Variants in CEP192 observed in about 807,000 individuals in gnomAD.
CEP192 encodes the protein centrosomal protein 192.
In CEP192, 151 loss-of-function variants were observed where a neutral mutation model predicts 271.8. That is an observed-to-expected ratio of 0.56 (90% confidence interval 0.49 to 0.64). The LOEUF (loss-of-function observed/expected upper bound fraction) is 0.64. CEP192 is among the 30% of genes least tolerant of loss of function. CEP192 has a pLI of 0.00. For synonymous variants in CEP192, 995 were observed against 1,076.5 expected, an observed-to-expected ratio of 0.92 and a Z score of 1.48; for missense variants, 2,910 against 3,020.5, an observed-to-expected ratio of 0.96 and a Z score of 0.86.
chr18:13,072,822 G>A lies in CEP192; in HGVS notation c.5416G>A (p.Gly1806Arg). The stretch of plus-strand genomic sequence containing the variant: ...TCAACATTTACGACTGCTTATTAGA[G>A]GACAAGATCAGGACTGCTTTCAGGT... ...TTQHLRLLIR[G>R]QDQDCFQLQN... Residue 1806 changes from glycine to arginine, a missense_variant, in exon 29 of 45, where the codon GGA becomes AGA. Transcript: ENST00000506447. The A allele has an allele frequency of 1.2e-6, 2 of 1,612,402 alleles. No homozygotes were observed. The highest frequency in any genetic ancestry group is 1.7e-6 in the Non-Finnish European group (2 of 1,178,406).
chr18:13,027,827 G>A (rs2035390825), intron 9 of CEP192, among the ~76,000 whole-genome samples: 1 of 149,752 alleles, frequency 6.7e-6, no homozygotes, highest in Non-Finnish European at 1.5e-5. Flanking sequence ...CAGTTATCTT[G>A]TTTTATTTGA....
intron 17 of CEP192, among the ~76,000 whole-genome samples, chr18:13,051,435 C>A (rs563231261): frequency 3.3e-5 from 5 of 152,008 alleles, no homozygotes; most frequent in Non-Finnish European, 7.4e-5. Context: ...TCATGTCATG[C>A]GGGAGCTAAA....
intron 3 of CEP192, among the ~76,000 whole-genome samples, chr18:13,004,299 C>CT (rs59209178): frequency 0.25 from 36,948 of 147,486 alleles, 5,304 homozygotes; most frequent in East Asian, 0.44. Context: ...AGAAGTTTCA[C>CT]TTTTTTTTTT....
intron 38 of CEP192, among the ~76,000 whole-genome samples, chr18:13,102,149 G>C (rs951623251): frequency 6.6e-6 from 1 of 151,966 alleles, no homozygotes; most frequent in African/African-American, 2.4e-5. Context: ...CCACAGCTGG[G>C]GGCCCTTCTT....
chr18:13,021,693 G>A (rs1023964261), intron 9 of CEP192, among the ~76,000 whole-genome samples: 1 of 152,130 alleles, frequency 6.6e-6, no homozygotes, highest in Non-Finnish European at 1.5e-5. Flanking sequence ...AGGTCACTTT[G>A]GGTAGTATTG....
intron 44 of CEP192, among the ~76,000 whole-genome samples, chr18:13,123,716 A>G (rs1285323085): frequency 6.6e-6 from 1 of 152,194 alleles, no homozygotes; most frequent in African/African-American, 2.4e-5. Flanking sequence ...AACTTGTTAA[A>G]TTGCATATTT....
At chr18:13,075,660 T>G (rs571613934) in intron 30 of CEP192, among the ~76,000 whole-genome samples, 1 of 152,294 alleles carries the variant, frequency 6.6e-6, no homozygotes, top group East Asian at 1.9e-4. Flanking sequence ...TTTCTGTTCT[T>G]TATGAATTAC....
rs1247097024 is a variant in CEP192, at chr18:13,049,902, A to T, written c.3017+11A>T. 6.3e-7 allele frequency: 1 copy of T among 1,599,020 alleles called. No homozygotes were observed. Among genetic ancestry groups the T allele is most frequent in the South Asian group, 1.1e-5 (1 of 88,114 alleles). ...AACGAGTTCATCAGGGTAAGTGTGTACCTTCTTTTTTAAAAAATAAAAATA... is the reference window on the plus strand; with the variant it reads ...AACGAGTTCATCAGGGTAAGTGTGTTCCTTCTTTTTTAAAAAATAAAAATA... On this transcript the variant is annotated intron_variant, in intron 17 of 44. Transcript: ENST00000506447.
At position 13,121,528 on chromosome 18, in the gene CEP192, A is replaced by G. The variant is rs559071710; in HGVS notation, c.7476-3104A>G. Among the ~76,000 whole-genome samples, 39 of 152,354 alleles carry G rather than the reference A, an allele frequency of 2.6e-4. No individual in the cohort carries two copies. In the South Asian group the frequency reaches 7.7e-3, roughly 30 times the overall value. On this transcript the variant is annotated intron_variant, in intron 44 of 44. Transcript: ENST00000506447. ...TGCAGAGGTGGGTGAACACGAATGT[A>G]TGATAGATTATAAGTAAGGTTATAG...
intron 17 of CEP192, among the ~76,000 whole-genome samples, chr18:13,051,365 T>TTGTGTGTGTG (rs34111719): frequency 1.3e-5 from 2 of 150,912 alleles, no homozygotes; most frequent in African/African-American, 4.9e-5. Context: ...GTGTATGTGT[T>TTGTGTGTGTG]TGTGTGTGTG....
chr18:13,120,588 A>G (rs2040615480), intron 44 of CEP192, among the ~76,000 whole-genome samples: 1 of 152,260 alleles, frequency 6.6e-6, no homozygotes, highest in Non-Finnish European at 1.5e-5. Flanking sequence ...TGCAAGGTGC[A>G]TAGTTTATAC....
At position 13,017,319 on chromosome 18, in the gene CEP192, A is replaced by G. The variant is rs1374685680; in HGVS notation, c.772A>G (p.Thr258Ala). The part of the protein sequence containing the change: ...EPPEKGFKLP[T>A]NGLRQANENG... ...TCCAGAAAAAGGTTTTAAGTTACCT[A>G]CAAATGGTCTTAGACAGGTGTGTTC... The change falls in exon 7 of 45, where the codon ACA becomes GCA. Residue 258 changes from threonine to alanine, a missense_variant. Physicochemically the swap from Thr to Ala is moderately conservative, Grantham distance 58. Coordinates refer to ENST00000506447, the MANE Select transcript of CEP192 (RefSeq NM_032142.4). 2 of 1,544,966 alleles carry G rather than the reference A, an allele frequency of 1.3e-6. No individual in the cohort carries two copies. The highest frequency in any genetic ancestry group is 4.9e-5 in the East Asian group (2 of 40,804).
At chr18:13,040,157 A>G (rs1279005276) in intron 13 of CEP192, among the ~76,000 whole-genome samples, 1 of 152,224 alleles carries the variant, frequency 6.6e-6, no homozygotes, top group East Asian at 1.9e-4. Flanking sequence ...ATCATGAAAA[A>G]AATGGATCTA....
chr18:13,103,310 A>G (rs145262145), intron 38 of CEP192, among the ~76,000 whole-genome samples, 199 bp from the exon 39 acceptor site: 3 of 152,206 alleles, frequency 2.0e-5, no homozygotes, highest in Non-Finnish European at 4.4e-5. Context: ...TTTTTGCATT[A>G]TACTTGTAAT....
chr18:13,035,935 A>T (rs1315684330), intron 11 of CEP192, among the ~76,000 whole-genome samples: 1 of 152,152 alleles, frequency 6.6e-6, no homozygotes, highest in Non-Finnish European at 1.5e-5. Flanking sequence ...GCTTGAGCCC[A>T]GGAGTTTGAG....
intron 40 of CEP192, among the ~76,000 whole-genome samples, chr18:13,109,823 A>G (rs940199178): frequency 6.6e-6 from 1 of 152,236 alleles, no homozygotes; most frequent in African/African-American, 2.4e-5. Flanking sequence ...GGCAGGAAAG[A>G]GACAATTTTA....
chr18:13,107,084 G>A (rs1207054791), intron 40 of CEP192, among the ~76,000 whole-genome samples: 1 of 152,162 alleles, frequency 6.6e-6, no homozygotes, highest in Non-Finnish European at 1.5e-5. Context: ...GTGTGTGTGT[G>A]TACATATATA....
intron 19 of CEP192, 148 bp downstream of exon 19, chr18:13,056,846 G>C (rs946167295): frequency 2.8e-6 from 2 of 725,550 alleles, no homozygotes; most frequent in Middle Eastern, 3.5e-4. Context: ...GTGTATTTCT[G>C]TGCAAGCGTC....
intron 40 of CEP192, among the ~76,000 whole-genome samples, chr18:13,111,990 A>T (rs1484736971): frequency 1.3e-5 from 2 of 152,178 alleles, no homozygotes; most frequent in African/African-American, 4.8e-5. Context: ...GTTGGTGAGG[A>T]TGTGGGGAAA....
Sources: gnomAD v4.1 joint callset for allele counts (sites outside exome capture counted in the v4.1 genomes callset) on GRCh38, gnomAD v4.1.1 for gene constraint, MANE v1.5 for transcripts, NCBI Gene and HGNC (gene_info 2026-07-23, HGNC 2026-07-21) for gene names.